Variants in DMD observed in about 807,000 individuals in gnomAD.
DMD encodes the protein dystrophin.
Under a neutral mutation model 330.1 loss-of-function variants are expected in DMD, and 63 were observed. That is an observed-to-expected ratio of 0.19 (90% CI 0.16 to 0.24). The LOEUF is 0.24. Ranked by LOEUF, DMD falls within the 10% of genes least tolerant of loss-of-function variation. DMD has a pLI of 1.00. For missense variants in DMD, 3,344 were observed against 2,684.1 expected, an observed-to-expected ratio of 1.25 and a Z score of -5.43; for synonymous variants, 1,223 against 959.8, an observed-to-expected ratio of 1.27 and a Z score of -5.07.
intron 13 of DMD, among the ~76,000 whole-genome samples, chrX:32,580,263 C>T (rs2053518227): frequency 9.0e-6 from 1 of 111,725 alleles, no homozygotes; most frequent in Non-Finnish European, 1.9e-5. Flanking sequence ...TAATGTCTTG[C>T]ACAAATATCC....
At chrX:31,999,565 A>G (rs7876833) in intron 44 of DMD, among the ~76,000 whole-genome samples, 12,653 of 111,330 alleles carry the variant, frequency 0.11, 928 homozygotes, top group African/African-American at 0.27. Context: ...TATAAGGACT[A>G]TTACCTTACT....
intron 42 of DMD, among the ~76,000 whole-genome samples, chrX:32,308,090 C>G (rs1023485242): frequency 9.1e-6 from 1 of 109,538 alleles, no homozygotes; most frequent in South Asian, 3.8e-4. Context: ...TATATATATA[C>G]GTATATATAT....
At chrX:31,186,428 C>CTT (rs1162563145) in intron 67 of DMD, among the ~76,000 whole-genome samples, 1 of 111,762 alleles carries the variant, frequency 8.9e-6, no homozygotes, top group Non-Finnish European at 1.9e-5. Context: ...CATGTTTTCA[C>CTT]TTATAAGTGG....
At chrX:31,509,684 T>C (rs1278536240) in intron 55 of DMD, among the ~76,000 whole-genome samples, 2 of 112,183 alleles carry the variant, frequency 1.8e-5, no homozygotes, top group Non-Finnish European at 3.8e-5. Flanking sequence ...AGGATGTTGA[T>C]TCATGAATTT....
At chrX:32,113,982 AATAGACT>A (rs767298792) in intron 44 of DMD, among the ~76,000 whole-genome samples, 3 of 111,903 alleles carry the variant, frequency 2.7e-5, no homozygotes, top group African/African-American at 9.7e-5. Context: ...GTGGTTATTG[AATAGACT>A]ACTTTTTTGA....
At chrX:31,664,686 C>G (rs1274789896) in intron 53 of DMD, among the ~76,000 whole-genome samples, 1 of 69,135 alleles carries the variant, frequency 1.4e-5, no homozygotes, top group Non-Finnish European at 2.6e-5. Context: ...TTTTTTTTAA[C>G]TTTTATCCAA....
intron 19 of DMD, among the ~76,000 whole-genome samples, chrX:32,500,177 C>T (rs2043909820): frequency 9.0e-6 from 1 of 110,744 alleles, no homozygotes; most frequent in Admixed American, 9.7e-5. Flanking sequence ...TTAGCATTTT[C>T]CTTCAGATGG....
At chrX:31,232,356 G>T (rs762163782) in intron 63 of DMD, among the ~76,000 whole-genome samples, 2 of 111,192 alleles carry the variant, frequency 1.8e-5, no homozygotes, top group Non-Finnish European at 3.8e-5. Context: ...TGATAGAAGA[G>T]GAATAAAAAA....
At chrX:33,026,313 C>CAAAAAAAAAAAAA (rs56794668) in intron 1 of DMD, among the ~76,000 whole-genome samples, 14 of 32,782 alleles carry the variant, frequency 4.3e-4, no homozygotes, top group African/African-American at 4.9e-4. Context: ...GACTCCGTCT[C>CAAAAAAAAAAAAA]AAAAAAAAAA....
intron 30 of DMD, among the ~76,000 whole-genome samples, chrX:32,405,318 T>A (rs2098111643): frequency 8.9e-6 from 1 of 111,791 alleles, no homozygotes; most frequent in South Asian, 3.7e-4. Flanking sequence ...TCTGAAAAAT[T>A]GAACAGTAAA....
At chrX:32,468,164 T>C (rs1039511536) in intron 23 of DMD, among the ~76,000 whole-genome samples, 10 of 110,660 alleles carry the variant, frequency 9.0e-5, no homozygotes, top group Non-Finnish European at 5.7e-5. Context: ...TTTTTTCTAG[T>C]CATAAGCTAA....
chrX:33,248,340 C>T (rs1036239536), intron 1 of DMD, among the ~76,000 whole-genome samples: 1 of 112,068 alleles, frequency 8.9e-6, no homozygotes, highest in African/African-American at 3.2e-5. Flanking sequence ...TGCGCCTGGC[C>T]GCGAGAATAA....
intron 4 of DMD, among the ~76,000 whole-genome samples, chrX:32,825,937 G>A (rs1455611349): frequency 3.8e-5 from 4 of 104,972 alleles, no homozygotes; most frequent in African/African-American, 6.9e-5. Flanking sequence ...GATGGATAGC[G>A]GTGATGACTA....
intron 74 of DMD, among the ~76,000 whole-genome samples, chrX:31,167,381 TA>T (rs771427872): frequency 5.4e-5 from 6 of 111,736 alleles, no homozygotes; most frequent in Non-Finnish European, 1.1e-4. Flanking sequence ...AAATGATAGT[TA>T]TCAGTACTCT....
chrX:32,732,463 G>A (rs947818581), intron 7 of DMD, among the ~76,000 whole-genome samples: 15 of 110,629 alleles, frequency 1.4e-4, no homozygotes, highest in African/African-American at 5.0e-4. Flanking sequence ...ATAATTGTCA[G>A]ATTCACCAAA....
chrX:31,164,667 C>A (rs767030432), intron 74 of DMD, among the ~76,000 whole-genome samples: 1 of 111,214 alleles, frequency 9.0e-6, no homozygotes, highest in South Asian at 3.9e-4. Context: ...TGACTCCCCC[C>A]AGCTTGATTT....
rs59798995 is a variant in DMD at position 31,520,363 on chromosome X, CTCTT to C, written c.8218-12914_8218-12911del. Among the ~76,000 whole-genome samples, 426 of 110,989 alleles carry C rather than the reference CTCTT, an allele frequency of 3.8e-3. 4 individuals carry two copies. The highest frequency in any genetic ancestry group is 0.013 in the African/African-American group (402 of 30,453). ...TTTTATAAGGGGCTCTTCCCATTCA[CTCTT>C]TCTCTCTCTCTCCTGCTGCCTTGTG... On this transcript the variant is annotated intron_variant, in intron 55 of 78. Coordinates refer to ENST00000357033, the MANE Select transcript of DMD (RefSeq NM_004006.3).
At chrX:31,386,184 C>A (rs1391539384) in intron 60 of DMD, among the ~76,000 whole-genome samples, 3 of 111,606 alleles carry the variant, frequency 2.7e-5, no homozygotes, top group African/African-American at 9.8e-5. Flanking sequence ...AATGAGAACA[C>A]ATGGACACAG....
chrX:32,340,075 G>C (rs931087224), intron 41 of DMD, among the ~76,000 whole-genome samples: 2 of 111,567 alleles, frequency 1.8e-5, no homozygotes, highest in African/African-American at 3.3e-5. Context: ...ATTGACAATT[G>C]GTCAAGTATA....
Sources: allele counts gnomAD v4.1 joint callset (sites outside exome capture counted in the v4.1 genomes callset), GRCh38; gene constraint gnomAD v4.1.1; transcripts MANE v1.5; gene names NCBI Gene and HGNC (gene_info 2026-07-23, HGNC 2026-07-21).